The following ATP10B variants were observed in gnomAD, a reference collection of about 807,000 sequenced individuals.
ATP10B encodes the protein phospholipid-transporting ATPase VB.
ATP10B carries 122 observed loss-of-function variants against 141.2 expected under a neutral mutation model. The observed-to-expected ratio is 0.86, with a 90% CI of 0.75 to 1.00. The LOEUF (loss-of-function observed/expected upper bound fraction) is 1.00, where lower values mean the gene tolerates loss of function less well. Among genes scored for constraint, ATP10B ranks in the 50% least tolerant of loss-of-function variants. The pLI is 0.00. For synonymous variants in ATP10B, 685 were observed against 692.0 expected (o/e 0.99, Z 0.16); for missense variants, 1,876 against 1,825.3 (o/e 1.03, Z -0.51).
chr5:160,750,256 C>T (rs191046668), intron 2 of ATP10B, among the ~76,000 whole-genome samples: 6 of 152,322 alleles, frequency 3.9e-5, no homozygotes, highest in Admixed American at 3.9e-4. Context: ...AGACTCTGGA[C>T]ATGCCCATAC....
At chr5:160,911,547 G>A in the ATP10B span, among the ~76,000 whole-genome samples, 1 of 152,188 alleles carries the variant, frequency 6.6e-6, no homozygotes, top group Non-Finnish European at 1.5e-5. Flanking sequence ...CTCGACTTTG[G>A]TTTTGGTTGG....
intron 22 of ATP10B, among the ~76,000 whole-genome samples, chr5:160,596,113 C>T (rs1394194113): frequency 6.6e-6 from 1 of 151,886 alleles, no homozygotes; most frequent in East Asian, 1.9e-4. Context: ...AGACCAATAT[C>T]CTTGATGAAC....
chr5:160,782,816 G>A (rs1231952070), intron 2 of ATP10B, among the ~76,000 whole-genome samples: 1 of 151,766 alleles, frequency 6.6e-6, no homozygotes, highest in Non-Finnish European at 1.5e-5. Flanking sequence ...AAACTACAAA[G>A]GAAAGATATC....
At chr5:160,831,338 A>G (rs1260907967) in intron 1 of ATP10B, among the ~76,000 whole-genome samples, 1 of 151,970 alleles carries the variant, frequency 6.6e-6, no homozygotes, top group Non-Finnish European at 1.5e-5. Flanking sequence ...CTTATGATGA[A>G]TAAGATTACT....
chr5:160,722,022 C>T (rs1342893487), intron 2 of ATP10B, among the ~76,000 whole-genome samples: 1 of 152,156 alleles, frequency 6.6e-6, no homozygotes, highest in Non-Finnish European at 1.5e-5. Flanking sequence ...ATATATACCT[C>T]TTGGGCTGTG....
chr5:160,876,717 C>A, the ATP10B span, among the ~76,000 whole-genome samples: 8 of 151,706 alleles, frequency 5.3e-5, no homozygotes, highest in Non-Finnish European at 8.8e-5. Flanking sequence ...CCACCAATCC[C>A]ACAGAAATAC....
At chr5:160,658,912 A>G (rs1418058360) in intron 7 of ATP10B, among the ~76,000 whole-genome samples, 5 of 152,202 alleles carry the variant, frequency 3.3e-5, no homozygotes, top group Non-Finnish European at 7.3e-5. Context: ...ACTATTTTGA[A>G]TTACAGTTCT....
intron 2 of ATP10B, among the ~76,000 whole-genome samples, chr5:160,771,854 T>C (rs1769929007): frequency 6.6e-6 from 1 of 152,208 alleles, no homozygotes; most frequent in Non-Finnish European, 1.5e-5. Context: ...ACATACTGTC[T>C]CCCACTTGTT....
chr5:160,612,534 G>A (rs1757772152), intron 18 of ATP10B: 2 of 437,884 alleles, frequency 4.6e-6, no homozygotes, highest in Non-Finnish European at 8.1e-6. Flanking sequence ...ATGTAAAAGA[G>A]ACCAGCTAGC....
chr5:160,659,066 T>C (rs1224006521), intron 7 of ATP10B, among the ~76,000 whole-genome samples: 1 of 152,194 alleles, frequency 6.6e-6, no homozygotes, highest in Admixed American at 6.5e-5. Context: ...AAAATGTAAA[T>C]ACGTTGTCTT....
intron 2 of ATP10B, among the ~76,000 whole-genome samples, chr5:160,724,615 A>C (rs1766210810): frequency 6.6e-6 from 1 of 152,022 alleles, no homozygotes. Context: ...CTCTTCTCTG[A>C]TCCTCTTTCT....
chr5:160,923,431 C>G, the ATP10B span, among the ~76,000 whole-genome samples: 1 of 152,154 alleles, frequency 6.6e-6, no homozygotes, highest in South Asian at 2.1e-4. Flanking sequence ...CAGTATTTAC[C>G]TCACGAGGTT....
At chr5:160,717,509 G>A (rs1475828738) in intron 2 of ATP10B, among the ~76,000 whole-genome samples, 2 of 152,140 alleles carry the variant, frequency 1.3e-5, no homozygotes, top group Non-Finnish European at 2.9e-5. Context: ...GTGAACTTGG[G>A]ACAGTTTGTT....
At chr5:160,902,312 G>A in the ATP10B span, among the ~76,000 whole-genome samples, 11 of 152,280 alleles carry the variant, frequency 7.2e-5, no homozygotes, top group African/African-American at 2.2e-4. Context: ...CAGTGGGCAC[G>A]AGGGTTGAAG....
At chr5:160,810,140 A>T (rs1187183125) in intron 1 of ATP10B, among the ~76,000 whole-genome samples, 1 of 151,448 alleles carries the variant, frequency 6.6e-6, no homozygotes, top group East Asian at 1.9e-4. Context: ...TTTACCTTTT[A>T]TTTTTTCCTC....
chr5:160,614,537 T>C (rs909240975), intron 17 of ATP10B: 6 of 152,182 alleles, frequency 3.9e-5, no homozygotes, highest in Non-Finnish European at 8.8e-5. Context: ...GGCCCAGCCA[T>C]CCTCTGGTTC....
At chr5:160,821,758 G>A (rs1774124222) in intron 1 of ATP10B, among the ~76,000 whole-genome samples, 1 of 152,014 alleles carries the variant, frequency 6.6e-6, no homozygotes, top group Non-Finnish European at 1.5e-5. Context: ...TACAGTGGGG[G>A]AAAGAGCAGT....
the ATP10B span, among the ~76,000 whole-genome samples, chr5:160,909,107 A>G: frequency 1.3e-5 from 2 of 152,122 alleles, no homozygotes; most frequent in African/African-American, 4.8e-5. Flanking sequence ...GGGTCAGACA[A>G]AGAAAGGCAA....
Position 160,687,919 on chromosome 5 carries a change from G to C in ATP10B, c.156C>G (p.Asn52Lys). 1 of 1,614,138 alleles carries C rather than the reference G, an allele frequency of 6.2e-7. No individual in the cohort carries two copies. The highest frequency in any genetic ancestry group is 8.5e-7 in the Non-Finnish European group (1 of 1,180,020). Residue 52 changes from asparagine to lysine, a missense_variant, in exon 5 of 26, where the codon AAC becomes AAG. By Grantham distance (94) the Asn-to-Lys change is moderately conservative. Transcript: ENST00000327245. Reference sequence around the variant, plus strand: ...CTTCCCAATCTTGATGGAATATGCTGTTGTTGGGGAACACGACCCGCTGCT... The same window carrying C: ...CTTCCCAATCTTGATGGAATATGCTCTTGTTGGGGAACACGACCCGCTGCT... The part of the protein sequence containing the change: ...LTQQRVVFPN[N>K]SIFHQDWEEV...
Sources: allele counts gnomAD v4.1 joint callset (sites outside exome capture counted in the v4.1 genomes callset), GRCh38; gene constraint gnomAD v4.1.1; transcripts MANE v1.5; gene names NCBI Gene and HGNC (gene_info 2026-07-23, HGNC 2026-07-21).